NINL: variants seen among roughly 807,000 people sequenced by gnomAD.
The protein encoded by NINL is ninein-like protein.
A neutral mutation model predicts 160.3 loss-of-function variants in NINL; 153 were observed. The observed-to-expected ratio is 0.95, with a 90% confidence interval of 0.84 to 1.09. The LOEUF is 1.09. Among genes scored for constraint, NINL ranks in the 50% least tolerant of loss-of-function variants. The pLI is 0.00. For missense variants in NINL, 1,829 were observed against 1,764.0 expected, an observed-to-expected ratio of 1.04 and a Z score of -0.66; for synonymous variants, 800 against 734.8, an observed-to-expected ratio of 1.09 and a Z score of -1.43.
intron 18 of NINL, among the ~76,000 whole-genome samples, chr20:25,467,990 T>C (rs1245571611): frequency 2.0e-5 from 3 of 152,116 alleles, no homozygotes; most frequent in African/African-American, 7.2e-5. Context: ...TGCTTGGGAC[T>C]CGCTACTTTA....
intron 1 of NINL, among the ~76,000 whole-genome samples, chr20:25,569,227 C>CA (rs772304012): frequency 0.013 from 762 of 56,734 alleles, 6 homozygotes; most frequent in South Asian, 0.035. Context: ...GACTCTGTCT[C>CA]AAAAAAAAAA....
chr20:25,513,107 G>A (rs1338577115), intron 3 of NINL, 101 bp from the exon 4 acceptor site: 2 of 1,223,162 alleles, frequency 1.6e-6, no homozygotes, highest in African/African-American at 1.5e-5. Context: ...TCAGCACCGA[G>A]TGTGCCCCTC....
intron 1 of NINL, among the ~76,000 whole-genome samples, chr20:25,550,028 G>C (rs780969309): frequency 8.5e-5 from 13 of 152,226 alleles, no homozygotes; most frequent in Non-Finnish European, 1.9e-4. Context: ...CTTGGCATCT[G>C]TGTATCAAAA....
intron 16 of NINL, among the ~76,000 whole-genome samples, chr20:25,477,487 G>A (rs1015555518): frequency 2.6e-5 from 4 of 152,192 alleles, no homozygotes; most frequent in African/African-American, 9.6e-5. Context: ...ACACGATAGC[G>A]CTGGAGACCC....
Position 25,523,802 on chromosome 20 carries a change from C to CT in NINL, c.180+2605_180+2606insA, listed in dbSNP as rs376096635. On this transcript the variant is annotated intron_variant, in intron 2 of 23. Coordinates refer to ENST00000278886, the MANE Select transcript of NINL (RefSeq NM_025176.6). The stretch of plus-strand genomic sequence containing the variant: ...GGATTACAGGTGCGTGCCACCACGC[C>CT]GGCTAATTTTGTATTTTTATTAGAG... Among the ~76,000 whole-genome samples, 613 of 151,802 alleles carry CT rather than the reference C, an allele frequency of 4.0e-3. 5 individuals carry two copies. The highest frequency in any genetic ancestry group is 0.014 in the African/African-American group (590 of 41,296).
At chr20:25,557,318 G>A (rs887522385) in intron 1 of NINL, among the ~76,000 whole-genome samples, 8 of 152,050 alleles carry the variant, frequency 5.3e-5, no homozygotes, top group Non-Finnish European at 1.0e-4. Flanking sequence ...ATCACTTGAG[G>A]TCAAGAGTTC....
intron 19 of NINL, among the ~76,000 whole-genome samples, chr20:25,465,291 C>G (rs1435673912): frequency 3.9e-5 from 6 of 152,138 alleles, no homozygotes; most frequent in Admixed American, 3.3e-4. Context: ...ATCAAAACAC[C>G]AAAGGGACCA....
chr20:25,569,158 G>A (rs1449434784), intron 1 of NINL, among the ~76,000 whole-genome samples: 1 of 151,328 alleles, frequency 6.6e-6, no homozygotes, highest in Non-Finnish European at 1.5e-5. Context: ...AACCCAGGAG[G>A]TGGAGGTTGC....
intron 14 of NINL, among the ~76,000 whole-genome samples, chr20:25,481,309 C>T (rs1284024576): frequency 1.3e-5 from 2 of 152,114 alleles, no homozygotes; most frequent in Non-Finnish European, 2.9e-5. Context: ...TTGTATGCTG[C>T]TATTGAGTGG....
At chr20:25,576,453 C>T (rs980149456) in intron 1 of NINL, among the ~76,000 whole-genome samples, 33 of 152,138 alleles carry the variant, frequency 2.2e-4, no homozygotes, top group African/African-American at 7.9e-4. Flanking sequence ...GAAGTTTATT[C>T]ATTTTTATTT....
At chr20:25,514,683 C>A (rs902641877) in intron 3 of NINL, among the ~76,000 whole-genome samples, 1 of 152,346 alleles carries the variant, frequency 6.6e-6, no homozygotes, top group East Asian at 1.9e-4. Flanking sequence ...AGAATGGTTT[C>A]ATGGGCTGGA....
chr20:25,481,782 C>G, intron 14 of NINL, 186 bp downstream of exon 14: 1 of 819,464 alleles, frequency 1.2e-6, no homozygotes, highest in Non-Finnish European at 1.9e-6. Flanking sequence ...AGGTGACCTT[C>G]CGTGTTGCAA....
intron 5 of NINL, among the ~76,000 whole-genome samples, chr20:25,507,030 C>G (rs1450394643): frequency 1.3e-5 from 2 of 152,208 alleles, no homozygotes; most frequent in East Asian, 1.9e-4. Context: ...TCAGGATGCC[C>G]TTGGCTGTTA....
At chr20:25,465,058 G>A (rs535858961) in intron 19 of NINL, among the ~76,000 whole-genome samples, 1 of 152,336 alleles carries the variant, frequency 6.6e-6, no homozygotes, top group Admixed American at 6.5e-5. Context: ...TCTCCTGGGT[G>A]TGTGTTAAAA....
At chr20:25,501,061 T>C (rs1179555673) in intron 7 of NINL, 51 bp from the exon 8 acceptor site, 1 of 1,571,780 alleles carries the variant, frequency 6.4e-7, no homozygotes. Context: ...GCCTCACGCC[T>C]GTGTGCTGCT....
intron 1 of NINL, among the ~76,000 whole-genome samples, 192 bp from the exon 2 acceptor site, chr20:25,526,790 C>T (rs991071155): frequency 6.6e-6 from 1 of 152,154 alleles, no homozygotes; most frequent in Admixed American, 6.5e-5. Flanking sequence ...GCAGGAGAGG[C>T]CAGAGCAGGT....
chr20:25,476,562 T>A lies in NINL; in HGVS notation c.2729A>T (p.Gln910Leu). ...HGPSERWSRMQPCGVDGDIVP... is the reference protein window; with the variant it reads ...HGPSERWSRMLPCGVDGDIVP... ...AATATCCCCATCCACTCCACAGGGC[T>A]GCATGCGTGACCACCTCTCTGAGGG... The change falls in exon 17 of 24, where the codon CAG becomes CTG. Residue 910 changes from glutamine (Q) to leucine (L), a missense_variant. Physicochemically the swap from Gln to Leu is moderately radical, Grantham distance 113 (BLOSUM62 -2). Transcript: ENST00000278886. The A allele has an allele frequency of 2.5e-6, 4 of 1,599,722 alleles. No individual in the cohort carries two copies. Among genetic ancestry groups the A allele is most frequent in the Non-Finnish European group, 3.4e-6 (4 of 1,179,786 alleles).
intron 19 of NINL, among the ~76,000 whole-genome samples, 176 bp downstream of exon 19, chr20:25,467,213 T>C (rs1601016978): frequency 1.3e-5 from 2 of 152,126 alleles, no homozygotes. Flanking sequence ...GGGGCAGGGG[T>C]CTTCACAGCC....
rs2063938634 is a variant in NINL at position 25,505,145 on chromosome 20, A to G, written c.518-67T>C. The G allele has an allele frequency of 5.0e-6, 7 of 1,408,422 alleles. No individual in the cohort carries two copies. The South Asian group carries it at 1.0e-4, about 21-fold the overall frequency. 87.2% of individuals were successfully genotyped at this position (1,408,422 alleles called of 1,614,324 possible). A position where few individuals can be genotyped will look rare whatever the true frequency, so the allele number is the denominator to read the frequency against. The stretch of plus-strand genomic sequence containing the variant: ...ACAATGGAGCACGACTCAGCCTTAG[A>G]AAGAAGGACGTTCTGCCCTTTCCAA... On this transcript the variant is annotated intron_variant, in intron 5 of 23. Coordinates refer to ENST00000278886, the MANE Select transcript of NINL (RefSeq NM_025176.6).
Sources: gnomAD v4.1 joint callset for allele counts (sites outside exome capture counted in the v4.1 genomes callset) on GRCh38, gnomAD v4.1.1 for gene constraint, MANE v1.5 for transcripts, NCBI Gene and HGNC (gene_info 2026-07-23, HGNC 2026-07-21) for gene names.